Variants in GRIN3A observed in about 807,000 individuals in gnomAD.
GRIN3A encodes the protein glutamate ionotropic receptor NMDA type subunit 3A.
Under a neutral mutation model 92.4 loss-of-function variants are expected in GRIN3A, and 47 were observed. That is an observed-to-expected ratio of 0.51 (90% CI 0.40 to 0.65). The LOEUF (loss-of-function observed/expected upper bound fraction) is 0.65, where lower values mean the gene tolerates loss of function less well. Among genes scored for constraint, GRIN3A ranks in the 30% least tolerant of loss-of-function variants. The probability of loss-of-function intolerance (pLI) is 0.00; values close to 1 mark genes in which losing one functional copy is unlikely to be tolerated. For synonymous variants in GRIN3A, 527 were observed against 540.6 expected (o/e 0.97, Z 0.35); for missense variants, 1,324 against 1,393.1 (o/e 0.95, Z 0.79).
chr9:101,597,478 G>C (rs1001968670), intron 6 of GRIN3A, among the ~76,000 whole-genome samples: 1 of 152,178 alleles, frequency 6.6e-6, no homozygotes, highest in Admixed American at 6.5e-5. Context: ...ACTCCCTTCA[G>C]TTTTGCCAAC....
At chr9:101,690,451 A>T (rs1829599633) in intron 1 of GRIN3A, among the ~76,000 whole-genome samples, 1 of 152,156 alleles carries the variant, frequency 6.6e-6, no homozygotes, top group Non-Finnish European at 1.5e-5. Flanking sequence ...TAGGGCAGGA[A>T]ATATGGCTGG....
At chr9:101,736,495 CTTTTT>C (rs1007073234) in intron 1 of GRIN3A, among the ~76,000 whole-genome samples, 4 of 148,852 alleles carry the variant, frequency 2.7e-5, no homozygotes, top group African/African-American at 9.9e-5. Context: ...CATTTAATTC[CTTTTT>C]TTTTTTAATT....
At chr9:101,666,353 A>G (rs912277116) in intron 3 of GRIN3A, among the ~76,000 whole-genome samples, 1 of 151,940 alleles carries the variant, frequency 6.6e-6, no homozygotes, top group East Asian at 1.9e-4. Flanking sequence ...CGTATGCTAT[A>G]GAGCTGGAGG....
intron 3 of GRIN3A, among the ~76,000 whole-genome samples, chr9:101,651,718 A>C (rs925584797): frequency 2.3e-4 from 35 of 151,434 alleles, no homozygotes; most frequent in Non-Finnish European, 2.5e-4. Context: ...GAGGGTTATT[A>C]TAAGTCTGTA....
intron 3 of GRIN3A, among the ~76,000 whole-genome samples, chr9:101,638,157 G>T (rs1031356347): frequency 6.6e-6 from 1 of 152,082 alleles, no homozygotes. Context: ...GATGTACCTC[G>T]GTATTTTTCT....
intron 3 of GRIN3A, among the ~76,000 whole-genome samples, chr9:101,644,819 C>T (rs978886678): frequency 6.6e-6 from 1 of 151,590 alleles, no homozygotes; most frequent in Non-Finnish European, 1.5e-5. Context: ...TTCTCTATAC[C>T]CCCATTTTCT....
intron 1 of GRIN3A, among the ~76,000 whole-genome samples, chr9:101,734,676 T>A (rs1167201231): frequency 6.6e-6 from 1 of 151,980 alleles, no homozygotes; most frequent in Admixed American, 6.6e-5. Flanking sequence ...TTACCAAAAC[T>A]ATTGCTCATT....
At chr9:101,687,239 T>C (rs769553589) in intron 1 of GRIN3A, 39 bp from the exon 2 acceptor site, 13 of 1,609,560 alleles carry the variant, frequency 8.1e-6, no homozygotes, top group South Asian at 3.3e-5. Flanking sequence ...TTAGAAAGCA[T>C]TGGCCAAAGA....
Position 101,738,003 on chromosome 9 carries a change from C to T in GRIN3A, c.-24G>A, listed in dbSNP as rs1405715745. ...ATTACTGAGACCCGCAGGGAGAAAG[C>T]GCGCCCCCTCCTGCGCCCGGCTCGC... On this transcript the variant is annotated 5_prime_UTR_variant, in exon 1 of 9. Transcript: ENST00000361820. 10 of 1,525,832 alleles carry T rather than the reference C, an allele frequency of 6.6e-6. No homozygotes were observed. The highest frequency in any genetic ancestry group is 8.8e-6 in the Non-Finnish European group (10 of 1,139,740). 94.5% of individuals were successfully genotyped at this position (1,525,832 alleles called of 1,614,324 possible).
In GRIN3A at chr9:101,715,314, G is replaced by A. The variant is rs1829930714; in HGVS notation, c.699+21967C>T. On this transcript the variant is annotated intron_variant, in intron 1 of 8. Coordinates refer to ENST00000361820, the MANE Select transcript of GRIN3A (RefSeq NM_133445.3). ...GTGGACCATGGGCGTCCCATTACAT[G>A]GGAAATACTGGCAATGCCATATTAA... is the stretch of plus-strand genomic sequence containing the variant. Among the ~76,000 whole-genome samples, 4 of 151,928 alleles carry A rather than the reference G, an allele frequency of 2.6e-5. No homozygotes were observed. In the South Asian group the frequency reaches 8.3e-4, roughly 31 times the overall value.
At chr9:101,720,650 T>C (rs1248600560) in intron 1 of GRIN3A, among the ~76,000 whole-genome samples, 1 of 152,236 alleles carries the variant, frequency 6.6e-6, no homozygotes, top group Non-Finnish European at 1.5e-5. Context: ...AATTTTGAAT[T>C]AGAGCATAAT....
intron 5 of GRIN3A, among the ~76,000 whole-genome samples, chr9:101,621,916 A>G (rs1011676738): frequency 2.0e-5 from 3 of 152,238 alleles, no homozygotes; most frequent in African/African-American, 7.2e-5. Context: ...TGCCACAAAA[A>G]AGGAGAAATT....
chr9:101,686,794 C>A lies in GRIN3A; in HGVS notation c.1106G>T (p.Gly369Val), dbSNP rs780244243. 2 of 1,613,978 alleles carry A rather than the reference C, an allele frequency of 1.2e-6. No homozygotes were observed. The highest frequency in any genetic ancestry group is 1.3e-5 in the African/African-American group (1 of 74,928). The change falls in exon 2 of 9, where the codon GGT becomes GTT. Residue 369 changes from glycine (G) to valine (V), a missense_variant. Transcript: ENST00000361820. ...SQNVEELRTE[G>V]LPLGLIAHGK... is the part of the protein sequence containing the mutation. ...ATGAGCAATGAGCCCTAAGGGCAGA[C>A]CCTCTGTCCTCAGTTCCTCCACATT... is the stretch of plus-strand genomic sequence containing the variant.
intron 1 of GRIN3A, among the ~76,000 whole-genome samples, chr9:101,736,791 A>G (rs1382245410): frequency 6.6e-6 from 1 of 152,188 alleles, no homozygotes; most frequent in East Asian, 1.9e-4. Flanking sequence ...AGGCTCAGGC[A>G]CACCTTCTGA....
intron 6 of GRIN3A, among the ~76,000 whole-genome samples, chr9:101,589,288 A>G (rs1827993104): frequency 6.6e-6 from 1 of 152,130 alleles, no homozygotes; most frequent in African/African-American, 2.4e-5. Flanking sequence ...TAGCATTTTA[A>G]AATATTTTTA....
chr9:101,700,789 C>A (rs1000053068), intron 1 of GRIN3A, among the ~76,000 whole-genome samples: 1 of 151,778 alleles, frequency 6.6e-6, no homozygotes, highest in African/African-American at 2.4e-5. Context: ...TTTCAGTAAT[C>A]CACATAGAAT....
intron 5 of GRIN3A, among the ~76,000 whole-genome samples, chr9:101,618,018 G>A (rs1828489673): frequency 6.6e-6 from 1 of 151,908 alleles, no homozygotes; most frequent in Non-Finnish European, 1.5e-5. Flanking sequence ...TGGTGTATAT[G>A]TGCCACATTT....
intron 3 of GRIN3A, among the ~76,000 whole-genome samples, chr9:101,646,610 G>GC (rs1828941856): frequency 6.6e-6 from 1 of 151,586 alleles, no homozygotes; most frequent in Non-Finnish European, 1.5e-5. Flanking sequence ...ACTTTGGGTA[G>GC]TGGGAACATT....
intron 1 of GRIN3A, among the ~76,000 whole-genome samples, chr9:101,727,469 T>C (rs1035154679): frequency 3.3e-5 from 5 of 152,204 alleles, no homozygotes; most frequent in African/African-American, 1.2e-4. Context: ...CACAATAAAA[T>C]GGCTGCATCT....
Sources: allele counts gnomAD v4.1 joint callset (sites outside exome capture counted in the v4.1 genomes callset), GRCh38; gene constraint gnomAD v4.1.1; transcripts MANE v1.5; gene names NCBI Gene and HGNC (gene_info 2026-07-23, HGNC 2026-07-21).